ANKHD1: variants seen among roughly 807,000 people sequenced by gnomAD.
The protein encoded by ANKHD1 is ankyrin repeat and KH domain-containing protein 1.
A neutral mutation model predicts 230.5 loss-of-function variants in ANKHD1; 31 were observed. That is an observed-to-expected ratio of 0.13 (90% CI 0.10 to 0.18). The LOEUF is 0.18. ANKHD1 is among the 10% of genes least tolerant of loss of function. The pLI is 1.00. For missense variants in ANKHD1, 2,256 were observed against 3,071.3 expected, an observed-to-expected ratio of 0.73 and a Z score of 6.27; for synonymous variants, 1,074 against 1,117.6, an observed-to-expected ratio of 0.96 and a Z score of 0.78.
intron 1 of ANKHD1, among the ~76,000 whole-genome samples, chr5:140,426,464 T>C (rs1401411341): frequency 6.6e-6 from 1 of 152,162 alleles, no homozygotes; most frequent in African/African-American, 2.4e-5. Context: ...TGAGGAGAGG[T>C]AGAATGAGAT....
rs1753651071 is a variant in ANKHD1 at position 140,527,379 on chromosome 5, T to G, written c.5087+305T>G. 3.7e-6 allele frequency: 1 copy of G among 272,272 alleles called. No homozygotes were observed. 16.9% of individuals were successfully genotyped at this position (272,272 alleles called of 1,614,324 possible). A position where few individuals can be genotyped will look rare whatever the true frequency, so the allele number is the denominator to read the frequency against. ...TGTCTCAGTAATTCTAGAACTAAAG[T>G]ACTAATAATCAACTTTAGATTCAGA... On this transcript the variant is annotated intron_variant, in intron 27 of 33. Transcript: ENST00000360839. The surrounding 1 kb of genome is among the most constrained non-coding windows in gnomAD (Gnocchi z 4.5).
intron 20 of ANKHD1, among the ~76,000 whole-genome samples, chr5:140,509,096 G>C (rs1752656033): frequency 1.3e-5 from 2 of 152,032 alleles, no homozygotes; most frequent in African/African-American, 4.8e-5. Flanking sequence ...GTTTTTCCTT[G>C]GCTTTTTACC....
Position 140,458,750 on chromosome 5 carries a change from A to C in ANKHD1, c.1368A>C (p.Leu456=). The change falls in exon 8 of 34, where the codon CTA becomes CTC. Residue 456 remains leucine, a synonymous_variant. Coordinates refer to ENST00000360839, the MANE Select transcript of ANKHD1 (RefSeq NM_017747.3). ...ACGGHVELAA[L]LIERGANLEE... ...GAGGACATGTTGAATTGGCAGCTCT[A>C]CTTATTGAAAGGGGAGCAAATCTTG... is the stretch of plus-strand genomic sequence containing the variant. 1 of 1,613,266 alleles carries C rather than the reference A, an allele frequency of 6.2e-7. No individual in the cohort carries two copies. The highest frequency in any genetic ancestry group is 8.5e-7 in the Non-Finnish European group (1 of 1,179,762).
intron 20 of ANKHD1, among the ~76,000 whole-genome samples, chr5:140,508,327 G>A (rs904085125): frequency 6.6e-6 from 1 of 152,196 alleles, no homozygotes; most frequent in African/African-American, 2.4e-5. Context: ...CACCTTTAAT[G>A]AGGTATGTGC....
Position 140,529,338 on chromosome 5 carries a change from C to G in ANKHD1, c.6392C>G (p.Pro2131Arg). The G allele has an allele frequency of 1.2e-6, 2 of 1,614,200 alleles. No individual in the cohort carries two copies. The highest frequency in any genetic ancestry group is 2.2e-5 in the East Asian group (1 of 44,890). ...SNLPQLAVPA[P>R]RVSHRMQPRG... Reference sequence around the variant, plus strand: ...TTACCTCAGTTAGCTGTACCAGCACCTCGAGTTTCTCATCGAATGCAGCCC... The same window carrying G: ...TTACCTCAGTTAGCTGTACCAGCACGTCGAGTTTCTCATCGAATGCAGCCC... Residue 2131 changes from proline (P) to arginine (R), a missense_variant, in exon 29 of 34, where the codon CCT becomes CGT. Around this residue, in one of 13 missense-constraint regions of ANKHD1, gnomAD observed 778 missense variants for 966.5 expected, o/e 0.80. Transcript: ENST00000360839.
intron 9 of ANKHD1, among the ~76,000 whole-genome samples, chr5:140,459,689 A>G (rs1775563492): frequency 2.0e-5 from 3 of 152,164 alleles, no homozygotes. Flanking sequence ...AGCTTGATCT[A>G]ATCATTCCAC....
At chr5:140,509,840 C>T (rs763154315) in intron 21 of ANKHD1, 28 bp downstream of exon 21, 1 of 1,586,916 alleles carries the variant, frequency 6.3e-7, no homozygotes, top group Admixed American at 2.0e-5. Flanking sequence ...ATATGTAGAA[C>T]TTCTCATGGT....
chr5:140,467,855 A>G (rs1776202244), intron 10 of ANKHD1, among the ~76,000 whole-genome samples: 2 of 152,046 alleles, frequency 1.3e-5, no homozygotes, highest in South Asian at 2.1e-4. Context: ...TATCAACTTT[A>G]TCTTACAAGG....
At chr5:140,513,731 C>T (rs1411932654) in intron 24 of ANKHD1, among the ~76,000 whole-genome samples, 1 of 151,432 alleles carries the variant, frequency 6.6e-6, no homozygotes, top group Non-Finnish European at 1.5e-5. Context: ...ATTGCTTGAG[C>T]CCGGGAGGCA....
intron 10 of ANKHD1, among the ~76,000 whole-genome samples, chr5:140,475,949 T>C (rs1407380949): frequency 6.6e-6 from 1 of 152,136 alleles, no homozygotes; most frequent in Non-Finnish European, 1.5e-5. Context: ...GAAATTGAAA[T>C]AAACTTTAAT....
chr5:140,414,650 A>G (rs1460291222), intron 1 of ANKHD1, among the ~76,000 whole-genome samples: 1 of 152,068 alleles, frequency 6.6e-6, no homozygotes, highest in Admixed American at 6.6e-5. Flanking sequence ...TGGGCAATAT[A>G]GGGAACCCTG....
At chr5:140,508,217 C>T (rs1040477966) in intron 20 of ANKHD1, among the ~76,000 whole-genome samples, 2 of 152,178 alleles carry the variant, frequency 1.3e-5, no homozygotes, top group Non-Finnish European at 2.9e-5. Context: ...CTTTTCCCAA[C>T]CTCAGCCTTG....
intron 11 of ANKHD1, among the ~76,000 whole-genome samples, chr5:140,482,989 G>T (rs966987158): frequency 3.3e-5 from 5 of 152,156 alleles, no homozygotes; most frequent in Non-Finnish European, 7.4e-5. Flanking sequence ...TGGAGATGTG[G>T]GTGGAGGACA....
At chr5:140,449,835 C>G (rs1774572882) in intron 7 of ANKHD1, among the ~76,000 whole-genome samples, 2 of 152,020 alleles carry the variant, frequency 1.3e-5, no homozygotes, top group Non-Finnish European at 1.5e-5. Context: ...AGACATAGTT[C>G]TAGTGTTTTT....
rs1244935910 is a variant in ANKHD1 at position 140,496,516 on chromosome 5, T to C, written c.2246-4T>C. 1 of 1,548,588 alleles carries C rather than the reference T, an allele frequency of 6.5e-7. No individual in the cohort carries two copies. Among genetic ancestry groups the C allele is most frequent in the South Asian group, 1.2e-5 (1 of 80,150 alleles). ...ACTCTTTCAAACATTTTTCATGTGC[T>C]TAGGTACATCCAAGCAGAAGTCCAG... is the stretch of plus-strand genomic sequence containing the variant. On this transcript the variant is annotated splice_polypyrimidine_tract_variant and splice_region_variant and intron_variant, in intron 14 of 33. Coordinates refer to ENST00000360839, the MANE Select transcript of ANKHD1 (RefSeq NM_017747.3).
At position 140,506,572 on chromosome 5, in the gene ANKHD1, G is replaced by A. The variant is rs1752545185; in HGVS notation, c.3409-263G>A. ...ATCACAATTCTAACACATATGAAGT[G>A]CAAATTTATTGCCCAATAAATGGCA... On this transcript the variant is annotated intron_variant, in intron 18 of 33. Coordinates refer to ENST00000360839, the MANE Select transcript of ANKHD1 (RefSeq NM_017747.3). The surrounding 1 kb of genome is among the most constrained non-coding windows in gnomAD (Gnocchi z 4.7). Among the ~76,000 whole-genome samples the A allele has an allele frequency of 6.6e-6, 1 of 152,122 alleles. No individual in the cohort carries two copies. Among genetic ancestry groups the A allele is most frequent in the Non-Finnish European group, 1.5e-5 (1 of 68,022 alleles).
chr5:140,410,157 CT>C (rs1326292312), intron 1 of ANKHD1, among the ~76,000 whole-genome samples: 1 of 152,024 alleles, frequency 6.6e-6, no homozygotes, highest in African/African-American at 2.4e-5. Context: ...GCTCTTTATA[CT>C]TTTAATAAAA....
intron 7 of ANKHD1, among the ~76,000 whole-genome samples, chr5:140,450,231 A>C (rs562195486): frequency 3.3e-5 from 5 of 152,056 alleles, no homozygotes; most frequent in Non-Finnish European, 4.4e-5. Flanking sequence ...TTTGTTGACT[A>C]TTGCTGTTTA....
intron 6 of ANKHD1, among the ~76,000 whole-genome samples, chr5:140,446,486 A>T (rs925181121): frequency 1.3e-5 from 2 of 151,882 alleles, no homozygotes; most frequent in Non-Finnish European, 2.9e-5. Context: ...TCAGCCTCCC[A>T]AGTAGCTGGG....
Sources: allele counts gnomAD v4.1 joint callset (sites outside exome capture counted in the v4.1 genomes callset), GRCh38; gene constraint gnomAD v4.1.1; regional missense constraint gnomAD v4.1.1; non-coding constraint Gnocchi (gnomAD v3.1); transcripts MANE v1.5; gene names NCBI Gene and HGNC (gene_info 2026-07-23, HGNC 2026-07-21).